Variants in PACS1 observed in about 807,000 individuals in gnomAD.
The protein encoded by PACS1 is phosphofurin acidic cluster sorting protein 1, also known as PACS-1.
PACS1 carries 24 observed loss-of-function variants against 115.0 expected under a neutral mutation model. That is an observed-to-expected ratio of 0.21 (90% CI 0.15 to 0.29). The LOEUF (loss-of-function observed/expected upper bound fraction) is 0.29. Among genes scored for constraint, PACS1 ranks in the 10% least tolerant of loss-of-function variants. The probability of loss-of-function intolerance (pLI) is 1.00; values close to 1 mark genes in which losing one functional copy is unlikely to be tolerated. For missense variants in PACS1, 838 were observed against 1,251.2 expected (o/e 0.67, Z 4.98); for synonymous variants, 453 against 504.5 (o/e 0.90, Z 1.37).
intron 1 of PACS1, among the ~76,000 whole-genome samples, chr11:66,146,417 T>G (rs1452232564): frequency 6.6e-6 from 1 of 151,976 alleles, no homozygotes; most frequent in Non-Finnish European, 1.5e-5. Flanking sequence ...TAACTAAAAT[T>G]AAAAATTCAC....
intron 11 of PACS1, among the ~76,000 whole-genome samples, chr11:66,229,211 CAAAAAAAA>C (rs386374029): frequency 1.4e-4 from 9 of 63,202 alleles, no homozygotes; most frequent in African/African-American, 3.5e-4. Flanking sequence ...CCCGTCTCTA[CAAAAAAAA>C]AAAAAAAAAA....
At chr11:66,193,437 C>T (rs1354290233) in intron 1 of PACS1, 49 bp from the exon 2 acceptor site, 3 of 1,312,652 alleles carry the variant, frequency 2.3e-6, no homozygotes, top group Non-Finnish European at 2.2e-6. Flanking sequence ...CATCACTTTT[C>T]TCGCAAGTTC....
rs1414953794 is a variant in PACS1, at chr11:66,243,160, C to T, written c.2777-5C>T. On this transcript the variant is annotated splice_region_variant and splice_polypyrimidine_tract_variant and intron_variant, in intron 23 of 23. Coordinates refer to ENST00000320580, the MANE Select transcript of PACS1 (RefSeq NM_018026.4). ...TGGTCACCCCTCCTCTCCTGTCACC[C>T]CTAGTGTCCATCGATGGGGTCGAGT... is the stretch of plus-strand genomic sequence containing the variant. 1 of 1,613,158 alleles carries T rather than the reference C, an allele frequency of 6.2e-7. No individual in the cohort carries two copies. Among genetic ancestry groups the T allele is most frequent in the Non-Finnish European group, 8.5e-7 (1 of 1,179,392 alleles).
At chr11:66,207,722 C>A (rs988276008) in intron 2 of PACS1, among the ~76,000 whole-genome samples, 2 of 152,044 alleles carry the variant, frequency 1.3e-5, no homozygotes, top group South Asian at 4.1e-4. Flanking sequence ...GACAGAGTCT[C>A]GTTCTGTTGC....
chr11:66,174,398 A>G (rs990860249), intron 1 of PACS1, among the ~76,000 whole-genome samples: 2 of 152,208 alleles, frequency 1.3e-5, no homozygotes. Context: ...AATTTACCAT[A>G]TGACCCTGCA....
rs1316807632 is a variant in PACS1, at chr11:66,235,502, A to C, written c.2207+99A>C. On this transcript the variant is annotated intron_variant, in intron 18 of 23. Transcript: ENST00000320580. The surrounding 1 kb of genome is among the most constrained non-coding windows in gnomAD (Gnocchi z 5.6). The stretch of plus-strand genomic sequence containing the variant: ...CTCACATTTTCCTTCTCCACATGCT[A>C]TATTCCTTCATAGGAACCCAAAAGG... 7.0e-6 allele frequency: 6 copies of C among 854,832 alleles called. No homozygotes were observed. The African/African-American group carries it at 8.4e-5, about 12-fold the overall frequency. 53.0% of individuals were successfully genotyped at this position (854,832 alleles called of 1,614,324 possible).
intron 1 of PACS1, among the ~76,000 whole-genome samples, chr11:66,118,599 G>A (rs570717191): frequency 2.0e-5 from 3 of 151,884 alleles, no homozygotes; most frequent in African/African-American, 7.2e-5. Flanking sequence ...GTGACAGAGT[G>A]AGATCTTGTC....
intron 1 of PACS1, 82 bp from the exon 2 acceptor site, chr11:66,193,404 G>A (rs1854573580): frequency 1.1e-6 from 1 of 910,362 alleles, no homozygotes; most frequent in Admixed American, 1.9e-5. Context: ...CTTCAGGTAA[G>A]GCAGATTGCC....
At chr11:66,127,071 TCTAA>T (rs1386601303) in intron 1 of PACS1, among the ~76,000 whole-genome samples, 1 of 152,216 alleles carries the variant, frequency 6.6e-6, no homozygotes, top group African/African-American at 2.4e-5. Context: ...ATGGGTTCTC[TCTAA>T]CTGATTCTTG....
At chr11:66,154,280 GTT>G (rs1384275836) in intron 1 of PACS1, among the ~76,000 whole-genome samples, 2 of 151,818 alleles carry the variant, frequency 1.3e-5, no homozygotes, top group Non-Finnish European at 2.9e-5. Flanking sequence ...CTGCAAAAAA[GTT>G]TTAAAAATTA....
At chr11:66,185,614 G>A (rs147323030) in intron 1 of PACS1, among the ~76,000 whole-genome samples, 110 of 152,246 alleles carry the variant, frequency 7.2e-4, no homozygotes, top group Non-Finnish European at 9.0e-4. Context: ...TCCCCATGCC[G>A]GACCATGGAA....
At chr11:66,093,040 C>T (rs1354639014) in intron 1 of PACS1, among the ~76,000 whole-genome samples, 3 of 151,968 alleles carry the variant, frequency 2.0e-5, no homozygotes, top group Non-Finnish European at 4.4e-5. Flanking sequence ...TAGTTTTTTC[C>T]AATTCTGTGA....
chr11:66,155,451 C>T (rs547949664), intron 1 of PACS1, among the ~76,000 whole-genome samples: 4 of 152,262 alleles, frequency 2.6e-5, no homozygotes, highest in South Asian at 2.1e-4. Context: ...AAGTATACTT[C>T]ACAAGGTAAG....
intron 1 of PACS1, among the ~76,000 whole-genome samples, chr11:66,141,552 G>C (rs1858987706): frequency 6.6e-6 from 1 of 151,772 alleles, no homozygotes; most frequent in African/African-American, 2.4e-5. Flanking sequence ...CACTCAGGTA[G>C]CTGAGGCAGG....
At chr11:66,175,167 A>C (rs1859825929) in intron 1 of PACS1, among the ~76,000 whole-genome samples, 1 of 136,582 alleles carries the variant, frequency 7.3e-6, no homozygotes, top group Admixed American at 7.1e-5. Flanking sequence ...GTCTGAAAAA[A>C]AAAGAAAAAA....
At chr11:66,073,115 G>A (rs913192892) in intron 1 of PACS1, among the ~76,000 whole-genome samples, 1 of 152,184 alleles carries the variant, frequency 6.6e-6, no homozygotes, top group Non-Finnish European at 1.5e-5. Flanking sequence ...GTCCTGCTCC[G>A]ACATTGTTTT....
At chr11:66,137,660 T>A (rs982952689) in intron 1 of PACS1, among the ~76,000 whole-genome samples, 1 of 152,214 alleles carries the variant, frequency 6.6e-6, no homozygotes, top group Non-Finnish European at 1.5e-5. Flanking sequence ...TATGTCATTA[T>A]CCAGGCCATT....
intron 1 of PACS1, among the ~76,000 whole-genome samples, chr11:66,082,616 CT>C (rs1368426948): frequency 6.6e-6 from 1 of 152,184 alleles, no homozygotes; most frequent in African/African-American, 2.4e-5. Context: ...AATCCCAGCA[CT>C]TTGGGAGGCC....
At chr11:66,139,578 C>T (rs1858932425) in intron 1 of PACS1, among the ~76,000 whole-genome samples, 1 of 150,994 alleles carries the variant, frequency 6.6e-6, no homozygotes, top group Non-Finnish European at 1.5e-5. Context: ...TTTTAGCTCT[C>T]ACAAGTAAGT....
Sources: allele counts gnomAD v4.1 joint callset (sites outside exome capture counted in the v4.1 genomes callset), GRCh38; gene constraint gnomAD v4.1.1; non-coding constraint Gnocchi (gnomAD v3.1); transcripts MANE v1.5; gene names NCBI Gene and HGNC (gene_info 2026-07-23, HGNC 2026-07-21).